SGCD: variants seen among roughly 807,000 people sequenced by gnomAD.
SGCD encodes sarcoglycan delta, also known as delta-sarcoglycan.
In SGCD, 18 loss-of-function variants were observed where a neutral mutation model predicts 36.6. That is an observed-to-expected ratio of 0.49 (90% CI 0.34 to 0.73). SGCD has a LOEUF of 0.73. Ranked by LOEUF, SGCD falls within the 30% of genes least tolerant of loss-of-function variation. The probability of loss-of-function intolerance (pLI) is 0.01; values close to 1 mark genes in which losing one functional copy is unlikely to be tolerated. For missense variants in SGCD, 387 were observed against 346.7 expected, an observed-to-expected ratio of 1.12 and a Z score of -0.92; for synonymous variants, 133 against 130.6, an observed-to-expected ratio of 1.02 and a Z score of -0.12.
intron 1 of SGCD, among the ~76,000 whole-genome samples, chr5:155,888,669 T>C (rs1756059434): frequency 6.6e-6 from 1 of 152,190 alleles, no homozygotes; most frequent in Non-Finnish European, 1.5e-5. Context: ...TAGATTCTTC[T>C]CTGTGTCTCT....
At chr5:156,500,579 A>G (rs752506779) in intron 3 of SGCD, among the ~76,000 whole-genome samples, 7 of 152,292 alleles carry the variant, frequency 4.6e-5, no homozygotes, top group African/African-American at 1.7e-4. Flanking sequence ...AGAAAATCGC[A>G]CTTTTTTTCT....
intron 1 of SGCD, among the ~76,000 whole-genome samples, chr5:156,108,622 T>A (rs758470279): frequency 3.0e-4 from 45 of 152,164 alleles, no homozygotes; most frequent in South Asian, 8.3e-4. Flanking sequence ...AACTCCTAAT[T>A]GTATTTACTT....
intron 1 of SGCD, among the ~76,000 whole-genome samples, chr5:155,948,148 A>C (rs1757476517): frequency 6.6e-6 from 1 of 152,056 alleles, no homozygotes; most frequent in South Asian, 2.1e-4. Context: ...GTGGTGGTGC[A>C]TGCCTGTAGT....
At chr5:156,553,774 G>A (rs901475319) in intron 4 of SGCD, among the ~76,000 whole-genome samples, 1 of 151,902 alleles carries the variant, frequency 6.6e-6, no homozygotes, top group South Asian at 2.1e-4. Context: ...TTCATATTGG[G>A]GCCTATATCT....
the SGCD span, among the ~76,000 whole-genome samples, chr5:155,808,333 T>G: frequency 6.6e-6 from 1 of 152,224 alleles, no homozygotes; most frequent in Admixed American, 6.5e-5. Flanking sequence ...AATGTGCTTG[T>G]GTAGCATAAG....
intron 3 of SGCD, among the ~76,000 whole-genome samples, chr5:156,293,767 T>C (rs953584822): frequency 6.6e-6 from 1 of 152,172 alleles, no homozygotes. Context: ...GTTTTGTTCT[T>C]CCCTTTCAGG....
At chr5:156,369,073 A>G (rs1256204015) in intron 3 of SGCD, among the ~76,000 whole-genome samples, 2 of 152,176 alleles carry the variant, frequency 1.3e-5, no homozygotes, top group Admixed American at 6.5e-5. Context: ...TCTGAGATCT[A>G]TAAGTGTCTG....
intron 2 of SGCD, among the ~76,000 whole-genome samples, chr5:156,334,609 C>CTTTTTTTTTTTTTTTTTTT (rs35767339): frequency 1.1e-4 from 12 of 105,090 alleles, no homozygotes; most frequent in Middle Eastern, 7.8e-3. Flanking sequence ...GGTCTATTTT[C>CTTTTTTTTTTTTTTTTTTT]TTTTTTTTTT....
chr5:155,927,581 CTTAT>C (rs1487360239), intron 1 of SGCD, among the ~76,000 whole-genome samples: 18 of 152,178 alleles, frequency 1.2e-4, no homozygotes, highest in African/African-American at 4.1e-4. Context: ...CTTAATAAAT[CTTAT>C]TTATAGGGAG....
chr5:155,969,464 A>C (rs2127559129), intron 1 of SGCD, among the ~76,000 whole-genome samples: 1 of 142,400 alleles, frequency 7.0e-6, no homozygotes, highest in Middle Eastern at 3.6e-3. Flanking sequence ...AATTCATAGC[A>C]ATCAAGTTTT....
intron 3 of SGCD, among the ~76,000 whole-genome samples, chr5:156,412,787 C>CTT (rs35464853): frequency 8.6e-5 from 9 of 105,008 alleles, no homozygotes; most frequent in South Asian, 3.2e-4. Context: ...AGGGTTGGTT[C>CTT]TTTTTTTTTT....
intron 1 of SGCD, among the ~76,000 whole-genome samples, chr5:155,935,433 A>T (rs1669695133): frequency 6.6e-6 from 1 of 152,118 alleles, no homozygotes; most frequent in African/African-American, 2.4e-5. Context: ...GTGGGGGGAG[A>T]TTGATGCTAC....
At chr5:155,729,524 G>T in the SGCD span, among the ~76,000 whole-genome samples, 1 of 152,246 alleles carries the variant, frequency 6.6e-6, no homozygotes, top group Non-Finnish European at 1.5e-5. Context: ...TTTTGCTGAC[G>T]GATCCAGCCT....
chr5:156,373,395 T>C (rs1313845260), intron 3 of SGCD, among the ~76,000 whole-genome samples: 1 of 152,228 alleles, frequency 6.6e-6, no homozygotes, highest in Non-Finnish European at 1.5e-5. Context: ...TGGTAAGCGT[T>C]ACCTTTAATC....
intron 1 of SGCD, among the ~76,000 whole-genome samples, chr5:156,009,672 A>G (rs1028923162): frequency 3.9e-5 from 6 of 152,184 alleles, no homozygotes; most frequent in Non-Finnish European, 8.8e-5. Context: ...CCAACAATTC[A>G]CTTGCTTCTG....
At chr5:156,286,531 G>C (rs996163395) in intron 3 of SGCD, among the ~76,000 whole-genome samples, 3 of 152,156 alleles carry the variant, frequency 2.0e-5, no homozygotes, top group Admixed American at 6.5e-5. Flanking sequence ...GTAGGGACAT[G>C]GATGAAACTG....
At chr5:156,751,443 A>G (rs1214454690) in intron 7 of SGCD, among the ~76,000 whole-genome samples, 5 of 152,106 alleles carry the variant, frequency 3.3e-5, no homozygotes, top group Admixed American at 3.3e-4. Flanking sequence ...TGCAATCCCT[A>G]TTCCAAAAGA....
At chr5:156,393,049 G>T (rs977140987) in intron 3 of SGCD, among the ~76,000 whole-genome samples, 1 of 152,178 alleles carries the variant, frequency 6.6e-6, no homozygotes, top group Admixed American at 6.5e-5. Context: ...CAGGGTTGGA[G>T]CCCTAGCCAG....
At chr5:156,626,818 C>A (rs771533392) in intron 6 of SGCD, among the ~76,000 whole-genome samples, 15 of 152,010 alleles carry the variant, frequency 9.9e-5, no homozygotes, top group Non-Finnish European at 1.9e-4. Flanking sequence ...TATTGAGAAC[C>A]AGAGTGATTT....
Sources: allele counts gnomAD v4.1 joint callset (sites outside exome capture counted in the v4.1 genomes callset), GRCh38; gene constraint gnomAD v4.1.1; transcripts MANE v1.5; gene names NCBI Gene and HGNC (gene_info 2026-07-23, HGNC 2026-07-21).